Variants in DMD observed in about 807,000 individuals in gnomAD.
DMD encodes the protein dystrophin, also known as mutant dystrophin.
A neutral mutation model predicts 330.1 loss-of-function variants in DMD; 63 were observed. The observed-to-expected ratio is 0.19, with a 90% CI of 0.16 to 0.24. The LOEUF (loss-of-function observed/expected upper bound fraction) is 0.24. Among genes scored for constraint, DMD ranks in the 10% least tolerant of loss-of-function variants. The pLI, the probability that DMD is intolerant of heterozygous loss-of-function variation, is 1.00. For synonymous variants in DMD, 1,223 were observed against 959.8 expected, an observed-to-expected ratio of 1.27 and a Z score of -5.07; for missense variants, 3,344 against 2,684.1, an observed-to-expected ratio of 1.25 and a Z score of -5.43.
chrX:33,329,211 G>A (rs1387385035), intron 1 of DMD, among the ~76,000 whole-genome samples: 2 of 111,511 alleles, frequency 1.8e-5, no homozygotes, highest in East Asian at 5.7e-4. Context: ...AGAAAAAAAT[G>A]GAAATGAGAA....
At chrX:32,395,581 T>A (rs1395939657) in intron 30 of DMD, among the ~76,000 whole-genome samples, 12 of 110,481 alleles carry the variant, frequency 1.1e-4, no homozygotes, top group African/African-American at 3.0e-4. Context: ...TTTAAAAAAA[T>A]TTTAAAAACA....
At chrX:33,137,976 G>T in intron 1 of DMD, among the ~76,000 whole-genome samples, 1 of 111,686 alleles carries the variant, frequency 9.0e-6, no homozygotes, top group Admixed American at 9.5e-5. Context: ...TGGTCTAAGT[G>T]ATTTTTATTT....
chrX:32,084,426 G>A (rs1025202527), intron 44 of DMD, among the ~76,000 whole-genome samples: 6 of 111,457 alleles, frequency 5.4e-5, no homozygotes, highest in Admixed American at 3.8e-4. Context: ...TGCCCAAAGT[G>A]AGGGACATCT....
In DMD at chrX:31,120,705, C is replaced by G. The variant is rs2032271531; in HGVS notation, c.*1214G>C. On this transcript the variant is annotated 3_prime_UTR_variant, in exon 79 of 79. Coordinates refer to ENST00000357033, the MANE Select transcript of DMD (RefSeq NM_004006.3). ...TGGCCTACTCCTTCACAGGGATGGG[C>G]TGGGAATCCATAGCCCTCCAGCCCT... 1 of 110,844 alleles carries G rather than the reference C, an allele frequency of 9.0e-6. No individual in the cohort carries two copies. The highest frequency in any genetic ancestry group is 1.9e-5 in the Non-Finnish European group (1 of 52,989). 9.1% of individuals were successfully genotyped at this position (110,844 alleles called of 1,213,427 possible).
At chrX:32,409,312 A>C (rs1325028495) in intron 30 of DMD, among the ~76,000 whole-genome samples, 1 of 111,668 alleles carries the variant, frequency 9.0e-6, no homozygotes, top group African/African-American at 3.2e-5. Flanking sequence ...ATTTGATCTG[A>C]ATGCCCAAAA....
At chrX:32,207,198 T>C (rs186480359) in intron 44 of DMD, among the ~76,000 whole-genome samples, 3 of 111,207 alleles carry the variant, frequency 2.7e-5, no homozygotes, top group African/African-American at 9.8e-5. Flanking sequence ...TGAAATTTAA[T>C]TGCCATTGTG....
At chrX:31,206,427 T>C (rs1005744991) in intron 66 of DMD, among the ~76,000 whole-genome samples, 155 bp downstream of exon 66, 1 of 112,660 alleles carries the variant, frequency 8.9e-6, no homozygotes, top group Non-Finnish European at 1.9e-5. Flanking sequence ...TGACAAGGAA[T>C]GGCACAAACC....
chrX:32,950,122 C>T (rs1361224008), intron 2 of DMD, among the ~76,000 whole-genome samples: 2 of 110,579 alleles, frequency 1.8e-5, no homozygotes, highest in African/African-American at 6.6e-5. Flanking sequence ...ATTATGTAGA[C>T]AGTAGTTGTG....
intron 22 of DMD, among the ~76,000 whole-genome samples, chrX:32,471,140 G>A (rs181041779): frequency 2.7e-5 from 3 of 110,586 alleles, no homozygotes; most frequent in East Asian, 2.9e-4. Flanking sequence ...TTAGCCAGGC[G>A]TGATGGCACG....
At chrX:32,484,512 A>T (rs1055275937) in intron 21 of DMD, among the ~76,000 whole-genome samples, 4 of 112,378 alleles carry the variant, frequency 3.6e-5, no homozygotes, top group South Asian at 3.6e-4. Flanking sequence ...TGCTAAAGCT[A>T]TAATACTCTT....
At position 31,211,924 on chromosome X, in the gene DMD, A is replaced by G. The variant is rs745758027; in HGVS notation, c.9362-2225T>C. Among the ~76,000 whole-genome samples the G allele has an allele frequency of 2.1e-3, 233 of 111,566 alleles. 4 individuals carry two copies. The highest frequency in any genetic ancestry group is 4.7e-3 in the Middle Eastern group (1 of 215). ...AAAAATTTCCATTTAGGTATACACA[A>G]TCCATGCTATGGACCCGAAAAGGAG... On this transcript the variant is annotated intron_variant, in intron 64 of 78. Coordinates refer to ENST00000357033, the MANE Select transcript of DMD (RefSeq NM_004006.3).
intron 59 of DMD, among the ~76,000 whole-genome samples, chrX:31,455,206 A>T (rs771814689): frequency 9.1e-6 from 1 of 109,943 alleles, no homozygotes; most frequent in African/African-American, 3.3e-5. Context: ...GTTAGATGTG[A>T]CTTTTAAAGA....
chrX:32,898,910 C>A (rs991197843), intron 2 of DMD, among the ~76,000 whole-genome samples: 2 of 111,622 alleles, frequency 1.8e-5, no homozygotes, highest in South Asian at 7.6e-4. Flanking sequence ...TTCCAGTTAC[C>A]CACCAAATAT....
chrX:31,969,859 T>A (rs2095383482), intron 44 of DMD, among the ~76,000 whole-genome samples: 1 of 111,514 alleles, frequency 9.0e-6, no homozygotes, highest in African/African-American at 3.3e-5. Context: ...CTGGCCATAC[T>A]CTCTTGAATG....
At chrX:32,355,895 C>G (rs144615018) in intron 37 of DMD, among the ~76,000 whole-genome samples, 2,809 of 109,469 alleles carry the variant, frequency 0.026, 43 homozygotes, top group Non-Finnish European at 0.041. Flanking sequence ...TATCTATATA[C>G]CTACAATGTA....
chrX:31,799,093 G>A (rs1372559981), intron 50 of DMD, among the ~76,000 whole-genome samples: 1 of 111,684 alleles, frequency 9.0e-6, no homozygotes, highest in African/African-American at 3.3e-5. Context: ...TCTGTACTGA[G>A]TCTTGCTCGT....
chrX:32,184,236 T>G (rs1489364193), intron 44 of DMD, among the ~76,000 whole-genome samples: 1 of 110,854 alleles, frequency 9.0e-6, no homozygotes, highest in African/African-American at 3.3e-5. Flanking sequence ...TTGTTACAAT[T>G]ATTAACGTGC....
chrX:32,826,303 C>G (rs972073557), intron 4 of DMD, among the ~76,000 whole-genome samples: 22 of 111,795 alleles, frequency 2.0e-4, no homozygotes, highest in African/African-American at 5.9e-4. Context: ...ACAAATAAAA[C>G]TACCATATAA....
intron 11 of DMD, among the ~76,000 whole-genome samples, chrX:32,634,564 C>A (rs765164026): frequency 1.3e-4 from 15 of 111,645 alleles, no homozygotes; most frequent in Non-Finnish European, 2.6e-4. Context: ...TGAATTCTGC[C>A]AGGACGGGGT....
Sources: gnomAD v4.1 joint callset for allele counts (sites outside exome capture counted in the v4.1 genomes callset) on GRCh38, gnomAD v4.1.1 for gene constraint, MANE v1.5 for transcripts, NCBI Gene and HGNC (gene_info 2026-07-23, HGNC 2026-07-21) for gene names.